The following APOE variants were observed in gnomAD, a reference collection of about 807,000 sequenced individuals.
APOE encodes the protein apolipoprotein E3.
In APOE, 10 loss-of-function variants were observed where a neutral mutation model predicts 13.1. That is an observed-to-expected ratio of 0.76 (90% confidence interval 0.47 to 1.29). The LOEUF is 1.29. APOE is among the 50% of genes most tolerant of loss of function. APOE has a pLI of 0.00. For synonymous variants in APOE, 211 were observed against 207.1 expected (o/e 1.02, Z -0.16); for missense variants, 471 against 459.6 (o/e 1.02, Z -0.23).
chr19:44,908,285 C>T (rs756025257), intron 3 of APOE, among the ~76,000 whole-genome samples: 13 of 152,188 alleles, frequency 8.5e-5, no homozygotes, highest in Non-Finnish European at 1.3e-4. Context: ...ATCCTCCCGC[C>T]TCGGCCTCCC....
chr19:44,908,671 C>T lies in APOE; in HGVS notation c.375C>T (p.Asp125=). 6.3e-7 allele frequency: 1 copy of T among 1,578,794 alleles called. No homozygotes were observed. Among genetic ancestry groups the T allele is most frequent in the Non-Finnish European group, 8.6e-7 (1 of 1,162,894 alleles). ...CGGCGCAGGCCCGGCTGGGCGCGGA[C>T]ATGGAGGACGTGTGCGGCCGCCTGG... ...LQAAQARLGA[D]MEDVCGRLVQ... The change falls in exon 4 of 4, where the codon GAC becomes GAT. Residue 125 remains aspartate, a synonymous_variant. Coordinates refer to ENST00000252486, the MANE Select transcript of APOE (RefSeq NM_000041.4).
In APOE at chr19:44,908,583, T is replaced by C. The variant is rs1238105907; in HGVS notation, c.287T>C (p.Leu96Pro). 1.9e-6 allele frequency: 3 copies of C among 1,613,584 alleles called. No individual in the cohort carries two copies. Among genetic ancestry groups the C allele is most frequent in the Non-Finnish European group, 2.5e-6 (3 of 1,179,646 alleles). Residue 96 changes from leucine to proline, a missense_variant, in exon 4 of 4, where the codon CTG becomes CCG. Physicochemically the swap from Leu to Pro is moderately conservative, Grantham distance 98. Transcript: ENST00000252486. Reference protein sequence around the residue: ...MKELKAYKSELEEQLTPVAEE... With the variant: ...MKELKAYKSEPEEQLTPVAEE... ...GAGTTGAAGGCCTACAAATCGGAAC[T>C]GGAGGAACAACTGACCCCGGTGGCG... is the stretch of plus-strand genomic sequence containing the variant.
In APOE at chr19:44,907,995, C is replaced by T; in HGVS notation, c.236+43C>T. ...GGCCCTTGACCCTCCTGGTGGGCGGCTATACCTCCCCAGGTCCAGGTTTCA... is the reference window on the plus strand; with the variant it reads ...GGCCCTTGACCCTCCTGGTGGGCGGTTATACCTCCCCAGGTCCAGGTTTCA... On this transcript the variant is annotated intron_variant, in intron 3 of 3. Transcript: ENST00000252486. This position sits in a 1 kb window ranked among gnomAD's most constrained non-coding sequence, Gnocchi z 4.1. The T allele has an allele frequency of 5.1e-6, 8 of 1,580,972 alleles. No homozygotes were observed. Among genetic ancestry groups the T allele is most frequent in the Non-Finnish European group, 6.0e-6 (7 of 1,157,948 alleles).
At chr19:44,906,532 C>T (rs1969810185) in intron 1 of APOE, 70 bp from the exon 2 acceptor site, 2 of 1,556,216 alleles carry the variant, frequency 1.3e-6, no homozygotes, top group South Asian at 1.1e-5. Flanking sequence ...GGGGTGAGGC[C>T]GGGTTGGGGC....
Position 44,909,281 on chromosome 19 carries a change from G to A in APOE, c.*31G>A, listed in dbSNP as rs1230816322. On this transcript the variant is annotated 3_prime_UTR_variant, in exon 4 of 4. Coordinates refer to ENST00000252486, the MANE Select transcript of APOE (RefSeq NM_000041.4). ...GAAGCCTGCAGCCATGCGACCCCACGCCACCCCGTGCCTCCTGCCTCCGCG... is the reference window on the plus strand; with the variant it reads ...GAAGCCTGCAGCCATGCGACCCCACACCACCCCGTGCCTCCTGCCTCCGCG... 2 of 1,582,988 alleles carry A rather than the reference G, an allele frequency of 1.3e-6. No homozygotes were observed. Among genetic ancestry groups the A allele is most frequent in the Middle Eastern group, 2.3e-4 (1 of 4,434 alleles).
At chr19:44,908,456 C>T (rs1479763033) in intron 3 of APOE, 77 bp from the exon 4 acceptor site, 13 of 1,464,468 alleles carry the variant, frequency 8.9e-6, no homozygotes, top group African/African-American at 1.4e-5. Flanking sequence ...TCTGGCTCAT[C>T]CCCATCTCGC....
intron 1 of APOE, 24 bp from the exon 2 acceptor site, chr19:44,906,578 G>C: frequency 6.2e-7 from 1 of 1,614,016 alleles, no homozygotes; most frequent in Non-Finnish European, 8.5e-7. Flanking sequence ...ACTGGCGGTT[G>C]ATTGACAGTT....
Position 44,909,095 on chromosome 19 carries a change from C to T in APOE, c.799C>T (p.Gln267Ter), listed in dbSNP as rs1466737235. 6.3e-7 allele frequency: 1 copy of T among 1,586,810 alleles called. No homozygotes were observed. The highest frequency in any genetic ancestry group is 1.1e-5 in the South Asian group (1 of 88,644). ...VRAKLEEQAQ[Q>*]IRLQAEAFQA... ...CGCCAAGCTGGAGGAGCAGGCCCAG[C>T]AGATACGCCTGCAGGCCGAGGCCTT... Residue 267 changes from glutamine to a stop codon, truncating the protein, a stop_gained, in exon 4 of 4, where the codon CAG becomes TAG. Transcript: ENST00000252486. LOFTEE classifies it high-confidence loss of function.
rs947015878 is a variant in APOE, at chr19:44,908,649, C to T, written c.353C>T (p.Ala118Val). ...RARLSKELQA[A>V]QARLGADMED... The stretch of plus-strand genomic sequence containing the variant: ...CGGCTGTCCAAGGAGCTGCAGGCGG[C>T]GCAGGCCCGGCTGGGCGCGGACATG... Residue 118 changes from alanine (A) to valine (V), a missense_variant, in exon 4 of 4, where the codon GCG (alanine) becomes GTG (valine). By Grantham distance (64) the Ala-to-Val change is moderately conservative. Coordinates refer to ENST00000252486, the MANE Select transcript of APOE (RefSeq NM_000041.4). The T allele has an allele frequency of 1.3e-6, 2 of 1,595,636 alleles. No homozygotes were observed. The highest frequency in any genetic ancestry group is 1.3e-5 in the African/African-American group (1 of 74,414).
chr19:44,907,777 G>A lies in APOE; in HGVS notation c.61G>A (p.Glu21Lys), dbSNP rs121918392. Reference protein sequence around the residue: ...TFLAGCQAKVEQAVETEPEPE... With the variant: ...TFLAGCQAKVKQAVETEPEPE... ...CCACACAGGATGCCAGGCCAAGGTG[G>A]AGCAAGCGGTGGAGACAGAGCCGGA... is the stretch of plus-strand genomic sequence containing the variant. The change falls in exon 3 of 4, where the codon GAG becomes AAG. Residue 21 changes from glutamate (E) to lysine (K), a missense_variant. Coordinates refer to ENST00000252486, the MANE Select transcript of APOE (RefSeq NM_000041.4). The surrounding 1 kb of genome is among the most constrained non-coding windows in gnomAD (Gnocchi z 4.1). 6.3e-5 allele frequency: 102 copies of A among 1,612,122 alleles called. No individual in the cohort carries two copies. In the East Asian group the frequency reaches 2.3e-3, roughly 36 times the overall value.
Position 44,909,122 on chromosome 19 carries a change from C to T in APOE, c.826C>T (p.Gln276Ter), listed in dbSNP as rs371110159. 1.0e-5 allele frequency: 16 copies of T among 1,594,460 alleles called. No individual in the cohort carries two copies. The African/African-American group carries it at 2.1e-4, about 21-fold the overall frequency. Residue 276 changes from glutamine to a stop codon, truncating the protein, a stop_gained, in exon 4 of 4, where the codon CAG becomes TAG. Transcript: ENST00000252486. LOFTEE classifies it low-confidence loss of function (END_TRUNC). ...GATACGCCTGCAGGCCGAGGCCTTC[C>T]AGGCCCGCCTCAAGAGCTGGTTCGA... ...QQIRLQAEAF[Q>*]ARLKSWFEPL...
Position 44,909,061 on chromosome 19 carries a change from G to T in APOE, c.765G>T (p.Ala255=). The part of the protein sequence containing the change: ...DRLDEVKEQV[A]EVRAKLEEQA... ...TGGACGAGGTGAAGGAGCAGGTGGC[G>T]GAGGTGCGCGCCAAGCTGGAGGAGC... Residue 255 remains alanine (A), a synonymous_variant, in exon 4 of 4, where the codon GCG becomes GCT. Coordinates refer to ENST00000252486, the MANE Select transcript of APOE (RefSeq NM_000041.4). 6.4e-7 allele frequency: 1 copy of T among 1,565,924 alleles called. No homozygotes were observed. The highest frequency in any genetic ancestry group is 8.6e-7 in the Non-Finnish European group (1 of 1,161,558).
Position 44,908,564 on chromosome 19 carries a change from A to G in APOE, c.268A>G (p.Lys90Glu), listed in dbSNP as rs1278944082. The G allele has an allele frequency of 6.2e-7, 1 of 1,613,650 alleles. No homozygotes were observed. The highest frequency in any genetic ancestry group is 8.5e-7 in the Non-Finnish European group (1 of 1,179,684). The change falls in exon 4 of 4, where the codon AAG (lysine) becomes GAG (glutamate). Residue 90 changes from lysine (K) to glutamate (E), a missense_variant. Lys to Glu is a moderately conservative substitution (Grantham distance 56). Transcript: ENST00000252486. ...GATGGACGAGACCATGAAGGAGTTGAAGGCCTACAAATCGGAACTGGAGGA... is the reference window on the plus strand; with the variant it reads ...GATGGACGAGACCATGAAGGAGTTGGAGGCCTACAAATCGGAACTGGAGGA... ...ALMDETMKEL[K>E]AYKSELEEQL...
At chr19:44,906,292 A>C (rs1969804810) in intron 1 of APOE, 1 of 444,590 alleles carries the variant, frequency 2.2e-6, no homozygotes, top group Non-Finnish European at 4.0e-6. Flanking sequence ...AGGGAGAATG[A>C]GGAATGCGAG....
intron 1 of APOE, 21 bp from the exon 2 acceptor site, chr19:44,906,581 T>G: frequency 2.5e-6 from 4 of 1,613,914 alleles, no homozygotes; most frequent in Non-Finnish European, 3.4e-6. Flanking sequence ...GGCGGTTGAT[T>G]GACAGTTTCT....
intron 1 of APOE, 98 bp downstream of exon 1, chr19:44,905,939 C>T: frequency 7.7e-7 from 1 of 1,294,428 alleles, no homozygotes; most frequent in Non-Finnish European, 1.0e-6. Context: ...CTCAGGAGAG[C>T]TACTCGGGGT....
rs765437285 is a variant in APOE at position 44,908,662 on chromosome 19, G to A, written c.366G>A (p.Leu122=). The A allele has an allele frequency of 3.2e-6, 5 of 1,584,742 alleles. No individual in the cohort carries two copies. Among genetic ancestry groups the A allele is most frequent in the Non-Finnish European group, 4.3e-6 (5 of 1,165,920 alleles). The stretch of plus-strand genomic sequence containing the variant: ...AGCTGCAGGCGGCGCAGGCCCGGCT[G>A]GGCGCGGACATGGAGGACGTGTGCG... ...SKELQAAQAR[L]GADMEDVCGR... is the part of the protein sequence containing the mutation. Residue 122 remains leucine, a synonymous_variant, in exon 4 of 4, where the codon CTG becomes CTA. Coordinates refer to ENST00000252486, the MANE Select transcript of APOE (RefSeq NM_000041.4).
rs397514254 is a variant in APOE, at chr19:44,908,706, G to GCGGCGAGGTGCAGGCCATGCT, written c.415_435dup (p.Glu139_Gly145dup). 6.4e-7 allele frequency: 1 copy of GCGGCGAGGTGCAGGCCATGCT among 1,559,854 alleles called. No individual in the cohort carries two copies. The highest frequency in any genetic ancestry group is 8.7e-7 in the Non-Finnish European group (1 of 1,152,634). On this transcript the variant is annotated inframe_insertion, in exon 4 of 4. Coordinates refer to ENST00000252486, the MANE Select transcript of APOE (RefSeq NM_000041.4). ...GTGTGCGGCCGCCTGGTGCAGTACC[G>GCGGCGAGGTGCAGGCCATGCT]CGGCGAGGTGCAGGCCATGCTCGGC...
chr19:44,906,666 A>T lies in APOE; in HGVS notation c.42A>T (p.Ala14=). The stretch of plus-strand genomic sequence containing the variant: ...CTGCGTTGCTGGTCACATTCCTGGC[A>T]GGTATGGGGGCGGGGCTTGCTCGGT... The part of the protein sequence containing the change: ...LWAALLVTFL[A]GCQAKVEQAV... The change falls in exon 2 of 4, where the codon GCA becomes GCT. Residue 14 remains alanine, a splice_region_variant and synonymous_variant. Transcript: ENST00000252486. 6.2e-7 allele frequency: 1 copy of T among 1,613,946 alleles called. No homozygotes were observed. Among genetic ancestry groups the T allele is most frequent in the Non-Finnish European group, 8.5e-7 (1 of 1,179,976 alleles).
Sources: gnomAD v4.1 joint callset for allele counts (sites outside exome capture counted in the v4.1 genomes callset) on GRCh38, gnomAD v4.1.1 for gene constraint, Gnocchi (gnomAD v3.1) non-coding constraint, MANE v1.5 for transcripts, NCBI Gene and HGNC (gene_info 2026-07-23, HGNC 2026-07-21) for gene names.